The following FAM227B variants were observed in gnomAD, a reference collection of about 807,000 sequenced individuals.
FAM227B encodes protein FAM227B.
In FAM227B, 88 loss-of-function variants were observed where a neutral mutation model predicts 73.8. That is an observed-to-expected ratio of 1.19 (90% confidence interval 1.00 to 1.42). FAM227B has a LOEUF of 1.42. FAM227B is among the 40% of genes most tolerant of loss of function. FAM227B has a pLI of 0.00. For synonymous variants in FAM227B, 210 were observed against 190.5 expected, an observed-to-expected ratio of 1.10 and a Z score of -0.84; for missense variants, 632 against 590.9, an observed-to-expected ratio of 1.07 and a Z score of -0.72.
rs149091636 is a variant in FAM227B, at chr15:49,612,127, A to G, written c.52-859T>C. Among the ~76,000 whole-genome samples, 652 of 151,048 alleles carry G rather than the reference A, an allele frequency of 4.3e-3. 10 individuals are homozygous for G. Among genetic ancestry groups the G allele is most frequent in the African/African-American group, 0.015 (623 of 41,000 alleles). ...TTTATTATACTTTAAGTTTTAGGGT[A>G]CATGTGTACAACGTGCAGGTCTGTT... On this transcript the variant is annotated intron_variant, in intron 2 of 15. Coordinates refer to ENST00000299338, the MANE Select transcript of FAM227B (RefSeq NM_152647.3).
intron 3 of FAM227B, among the ~76,000 whole-genome samples, chr15:49,610,401 T>C (rs962894180): frequency 7.1e-6 from 1 of 141,342 alleles, no homozygotes; most frequent in Non-Finnish European, 1.5e-5. Flanking sequence ...AGCGCAATCC[T>C]TTCCCAAAAC....
chr15:49,356,119 C>T (rs36188688), intron 13 of FAM227B, among the ~76,000 whole-genome samples: 8 of 151,704 alleles, frequency 5.3e-5, no homozygotes, highest in Admixed American at 4.6e-4. Context: ...ACAACCGGTA[C>T]CAGCCGCTGT....
At chr15:49,560,049 T>C (rs2074118848) in intron 9 of FAM227B, among the ~76,000 whole-genome samples, 1 of 151,880 alleles carries the variant, frequency 6.6e-6, no homozygotes, top group South Asian at 2.1e-4. Context: ...AACTCAGAAA[T>C]GACAAGTAAG....
chr15:49,561,060 C>T (rs2074218443), intron 9 of FAM227B, among the ~76,000 whole-genome samples: 1 of 152,104 alleles, frequency 6.6e-6, no homozygotes, highest in East Asian at 1.9e-4. Context: ...TGTCTTAATG[C>T]CCCACTTAAA....
intron 9 of FAM227B, among the ~76,000 whole-genome samples, chr15:49,542,431 A>G (rs1056655339): frequency 3.9e-5 from 6 of 152,092 alleles, no homozygotes; most frequent in African/African-American, 9.7e-5. Context: ...TCGCCACCTG[A>G]GCAATGTGCA....
At chr15:49,606,760 C>T (rs1344951065) in intron 3 of FAM227B, among the ~76,000 whole-genome samples, 2 of 152,150 alleles carry the variant, frequency 1.3e-5, no homozygotes, top group Non-Finnish European at 2.9e-5. Context: ...GGAAGCCTGC[C>T]TTGTTTTGGC....
At chr15:49,408,183 A>T (rs766566009) in intron 11 of FAM227B, among the ~76,000 whole-genome samples, 6 of 152,200 alleles carry the variant, frequency 3.9e-5, no homozygotes, top group Non-Finnish European at 7.4e-5. Context: ...TTATACTTGC[A>T]TCTGAATAAT....
intron 11 of FAM227B, among the ~76,000 whole-genome samples, chr15:49,464,383 C>G (rs2054078594): frequency 6.6e-6 from 1 of 152,266 alleles, no homozygotes; most frequent in African/African-American, 2.4e-5. Flanking sequence ...TGAGATTCCT[C>G]TAAAATGATC....
chr15:49,398,239 G>A (rs1311239660), intron 11 of FAM227B, among the ~76,000 whole-genome samples: 20 of 151,912 alleles, frequency 1.3e-4, no homozygotes, highest in African/African-American at 3.1e-4. Flanking sequence ...CAAAGATCAA[G>A]AGAGACAAAG....
chr15:49,611,078 T>C, intron 3 of FAM227B, 137 bp downstream of exon 3: 2 of 543,846 alleles, frequency 3.7e-6, no homozygotes, highest in Admixed American at 6.2e-5. Context: ...AGGACATAAG[T>C]ATTTATATAC....
intron 11 of FAM227B, among the ~76,000 whole-genome samples, chr15:49,373,994 A>T (rs1449757254): frequency 6.6e-6 from 1 of 152,198 alleles, no homozygotes; most frequent in Non-Finnish European, 1.5e-5. Context: ...AAAGACAGAC[A>T]AATGATGTAA....
At chr15:49,582,089 C>T (rs567089145) in intron 5 of FAM227B, among the ~76,000 whole-genome samples, 1 of 152,252 alleles carries the variant, frequency 6.6e-6, no homozygotes, top group African/African-American at 2.4e-5. Flanking sequence ...TCATAATAAC[C>T]AGCTAACATC....
At chr15:49,609,608 T>C (rs2153327219) in intron 3 of FAM227B, among the ~76,000 whole-genome samples, 1 of 152,070 alleles carries the variant, frequency 6.6e-6, no homozygotes, top group Admixed American at 6.6e-5. Flanking sequence ...TCTATGTGCC[T>C]GGCACATAGC....
chr15:49,453,203 T>C (rs904465845), intron 11 of FAM227B, among the ~76,000 whole-genome samples: 7 of 152,084 alleles, frequency 4.6e-5, no homozygotes, highest in African/African-American at 9.7e-5. Flanking sequence ...AATTTGAATA[T>C]GTTCTGTTTA....
intron 13 of FAM227B, among the ~76,000 whole-genome samples, chr15:49,364,933 G>A (rs1424075941): frequency 6.6e-6 from 1 of 151,782 alleles, no homozygotes; most frequent in African/African-American, 2.4e-5. Flanking sequence ...TAATGTGAAG[G>A]CACAACTTTA....
chr15:49,517,721 C>G (rs1276125255), intron 10 of FAM227B, among the ~76,000 whole-genome samples: 1 of 152,038 alleles, frequency 6.6e-6, no homozygotes, highest in Non-Finnish European at 1.5e-5. Context: ...AAATGTATAG[C>G]TCAATTAATT....
At chr15:49,510,308 C>T (rs1196448162) in intron 10 of FAM227B, among the ~76,000 whole-genome samples, 5 of 152,042 alleles carry the variant, frequency 3.3e-5, no homozygotes, top group African/African-American at 1.2e-4. Flanking sequence ...AACCAGTTTT[C>T]TCTTTTTGAA....
chr15:49,465,068 G>T (rs2054140306), intron 11 of FAM227B, among the ~76,000 whole-genome samples: 1 of 151,990 alleles, frequency 6.6e-6, no homozygotes, highest in Non-Finnish European at 1.5e-5. Context: ...TCATAATATG[G>T]ATAAGAACAG....
chr15:49,601,135 C>A (rs1444862681), intron 3 of FAM227B, among the ~76,000 whole-genome samples: 1 of 146,950 alleles, frequency 6.8e-6, no homozygotes, highest in Non-Finnish European at 1.5e-5. Flanking sequence ...GCGGTTTTTG[C>A]CATCACTTTT....
Sources: allele counts gnomAD v4.1 joint callset (sites outside exome capture counted in the v4.1 genomes callset), GRCh38; gene constraint gnomAD v4.1.1; transcripts MANE v1.5; gene names NCBI Gene and HGNC (gene_info 2026-07-23, HGNC 2026-07-21).